Variants in AOPEP observed in about 807,000 individuals in gnomAD.
The protein encoded by AOPEP is aminopeptidase O (putative), also known as aminopeptidase O.
AOPEP carries 77 observed loss-of-function variants against 98.1 expected under a neutral mutation model. The ratio of observed to expected loss-of-function variants is 0.78; its 90% confidence interval spans 0.65 to 0.95. The LOEUF (loss-of-function observed/expected upper bound fraction) is 0.95, where lower values mean the gene tolerates loss of function less well. AOPEP is among the 40% of genes least tolerant of loss of function. The pLI, the probability that AOPEP is intolerant of heterozygous loss-of-function variation, is 0.00. For synonymous variants in AOPEP, 346 were observed against 365.3 expected (o/e 0.95, Z 0.60); for missense variants, 1,024 against 1,024.7 (o/e 1.00, Z 0.01).
At chr9:94,849,955 A>G (rs2135141700) in intron 5 of AOPEP, among the ~76,000 whole-genome samples, 1 of 151,766 alleles carries the variant, frequency 6.6e-6, no homozygotes, top group African/African-American at 2.4e-5. Context: ...GAGTCGCTTG[A>G]ACCCGGGAGA....
intron 3 of AOPEP, among the ~76,000 whole-genome samples, chr9:94,785,432 A>G (rs550370927): frequency 2.8e-4 from 42 of 152,346 alleles, no homozygotes; most frequent in African/African-American, 9.9e-4. Context: ...AGACAACTGA[A>G]GTATGAGAGT....
chr9:95,066,475 G>A (rs1468808862), intron 14 of AOPEP, among the ~76,000 whole-genome samples: 2 of 152,152 alleles, frequency 1.3e-5, no homozygotes, highest in Non-Finnish European at 2.9e-5. Context: ...AGCATAATCT[G>A]GCTAATTTTT....
At chr9:94,859,233 G>A (rs2044633031) in intron 5 of AOPEP, among the ~76,000 whole-genome samples, 1 of 152,162 alleles carries the variant, frequency 6.6e-6, no homozygotes, top group African/African-American at 2.4e-5. Flanking sequence ...ACCTGACCGT[G>A]CTAGCATACT....
chr9:95,145,726 G>C, the AOPEP span, among the ~76,000 whole-genome samples: 1 of 152,098 alleles, frequency 6.6e-6, no homozygotes, highest in Admixed American at 6.5e-5. Context: ...AACAAAACAG[G>C]CCTGACTATG....
At chr9:94,984,494 A>C (rs561212052) in intron 11 of AOPEP, among the ~76,000 whole-genome samples, 2 of 152,304 alleles carry the variant, frequency 1.3e-5, no homozygotes, top group Admixed American at 6.5e-5. Flanking sequence ...TTAACACCCA[A>C]ATTGAGATGG....
the AOPEP span, among the ~76,000 whole-genome samples, chr9:95,113,195 T>A: frequency 5.9e-5 from 9 of 152,236 alleles, no homozygotes; most frequent in East Asian, 1.7e-3. Flanking sequence ...CTGGTCTCTG[T>A]CGGTAAGAAT....
chr9:94,852,442 C>T (rs1320975649), intron 5 of AOPEP, among the ~76,000 whole-genome samples: 1 of 152,126 alleles, frequency 6.6e-6, no homozygotes, highest in Non-Finnish European at 1.5e-5. Flanking sequence ...AGAGCAGTGG[C>T]TGGGAGTTGG....
chr9:94,892,208 C>G (rs79994718), intron 5 of AOPEP, among the ~76,000 whole-genome samples: 2,498 of 152,246 alleles, frequency 0.016, 64 homozygotes, highest in African/African-American at 0.057. Context: ...CTTCTTGAAA[C>G]TGTAGGTTTA....
chr9:94,956,247 T>TA (rs1033538808), intron 9 of AOPEP, among the ~76,000 whole-genome samples: 12 of 152,198 alleles, frequency 7.9e-5, no homozygotes, highest in African/African-American at 2.9e-4. Flanking sequence ...CAGTGATAGT[T>TA]AAAGACAAAA....
chr9:94,883,055 A>C (rs906512048), intron 5 of AOPEP, among the ~76,000 whole-genome samples: 1 of 152,338 alleles, frequency 6.6e-6, no homozygotes, highest in African/African-American at 2.4e-5. Context: ...TACTGCTTAC[A>C]TCAACTCAGG....
intron 1 of AOPEP, among the ~76,000 whole-genome samples, chr9:94,727,255 T>C (rs1399634894): frequency 6.6e-6 from 1 of 152,240 alleles, no homozygotes; most frequent in Non-Finnish European, 1.5e-5. Flanking sequence ...AGAACATTCA[T>C]ACTGTTAGTC....
At chr9:95,057,511 G>A (rs2066929689) in intron 13 of AOPEP, among the ~76,000 whole-genome samples, 1 of 152,204 alleles carries the variant, frequency 6.6e-6, no homozygotes, top group African/African-American at 2.4e-5. Flanking sequence ...TTTTTCATTT[G>A]TAGGGTGGCT....
chr9:94,861,782 A>G (rs2045038165), intron 5 of AOPEP, among the ~76,000 whole-genome samples: 1 of 152,230 alleles, frequency 6.6e-6, no homozygotes, highest in South Asian at 2.1e-4. Flanking sequence ...CACCTGGTGC[A>G]GCCTGGATTC....
the AOPEP span, chr9:95,123,545 G>A: frequency 1.9e-4 from 98 of 529,538 alleles, no homozygotes; most frequent in Middle Eastern, 9.1e-4. Flanking sequence ...AAGGAACAAC[G>A]GTCGTACCAA....
In AOPEP at chr9:95,025,266, G is replaced by A. The variant is rs574808873; in HGVS notation, c.2115+19650G>A. 2.5e-4 allele frequency among the ~76,000 whole-genome samples: 38 copies of A among 152,248 alleles called. No homozygotes were observed. In the East Asian group the frequency reaches 2.9e-3, roughly 12 times the overall value. The stretch of plus-strand genomic sequence containing the variant: ...GCTTGTCCTTGTTCTTCCTTCTCCC[G>A]TGATCCATTTTCCCAGCAGAGGCCA... On this transcript the variant is annotated intron_variant, in intron 13 of 16. Coordinates refer to ENST00000375315, the MANE Select transcript of AOPEP (RefSeq NM_001193329.3).
intron 3 of AOPEP, among the ~76,000 whole-genome samples, chr9:94,774,968 C>T (rs59037181): frequency 5.9e-5 from 9 of 152,180 alleles, no homozygotes; most frequent in African/African-American, 2.2e-4. Context: ...TTCCTTTGCC[C>T]ATTTTTTATA....
chr9:95,090,356 C>T (rs540777632), downstream of AOPEP, among the ~76,000 whole-genome samples: 15 of 152,228 alleles, frequency 9.9e-5, no homozygotes, highest in Non-Finnish European at 1.6e-4. Context: ...TGTTTCAGCC[C>T]GCAGGAGCCG....
At chr9:95,093,397 G>A in the AOPEP span, among the ~76,000 whole-genome samples, 1 of 152,146 alleles carries the variant, frequency 6.6e-6, no homozygotes, top group Admixed American at 6.5e-5. Flanking sequence ...GCACCACCAC[G>A]GTGACTACGG....
At chr9:94,846,399 A>G (rs2042870703) in intron 5 of AOPEP, among the ~76,000 whole-genome samples, 1 of 152,166 alleles carries the variant, frequency 6.6e-6, no homozygotes, top group Non-Finnish European at 1.5e-5. Flanking sequence ...TTGTGATAGA[A>G]TATTGGGAAA....
Sources: gnomAD v4.1 joint callset for allele counts (sites outside exome capture counted in the v4.1 genomes callset) on GRCh38, gnomAD v4.1.1 for gene constraint, MANE v1.5 for transcripts, NCBI Gene and HGNC (gene_info 2026-07-23, HGNC 2026-07-21) for gene names.